Variants in SYN2 observed in about 807,000 individuals in gnomAD.
SYN2 encodes the protein synapsin-2.
Under a neutral mutation model 50.9 loss-of-function variants are expected in SYN2, and 19 were observed. That is an observed-to-expected ratio of 0.37 (90% CI 0.26 to 0.55). The LOEUF (loss-of-function observed/expected upper bound fraction) is 0.55, where lower values mean the gene tolerates loss of function less well. Among genes scored for constraint, SYN2 ranks in the 20% least tolerant of loss-of-function variants. SYN2 has a pLI of 0.81. For synonymous variants in SYN2, 255 were observed against 224.9 expected (o/e 1.13, Z -1.20); for missense variants, 587 against 576.4 (o/e 1.02, Z -0.19).
chr3:12,155,208 G>C (rs1697420138), intron 5 of SYN2, among the ~76,000 whole-genome samples: 1 of 152,108 alleles, frequency 6.6e-6, no homozygotes, highest in African/African-American at 2.4e-5. Flanking sequence ...CTAGTACCAG[G>C]AATACAGATA....
chr3:12,073,775 C>T (rs1291758328), intron 1 of SYN2, among the ~76,000 whole-genome samples: 1 of 151,938 alleles, frequency 6.6e-6, no homozygotes, highest in African/African-American at 2.4e-5. Context: ...AGCCTTGGAT[C>T]GATTAATTTT....
chr3:12,120,378 C>T (rs1696528663), intron 1 of SYN2, among the ~76,000 whole-genome samples: 1 of 152,138 alleles, frequency 6.6e-6, no homozygotes. Flanking sequence ...ACAGAGTCTA[C>T]CTCTCCTTCC....
intron 1 of SYN2, among the ~76,000 whole-genome samples, chr3:12,087,877 C>T (rs905977317): frequency 1.3e-5 from 2 of 151,790 alleles, no homozygotes; most frequent in African/African-American, 4.8e-5. Context: ...TGGATATCTA[C>T]ATGCAAAAGA....
intron 5 of SYN2, 149 bp downstream of exon 5, chr3:12,151,475 A>T: frequency 1.6e-6 from 1 of 628,122 alleles, no homozygotes. Context: ...CGGCTGGAAT[A>T]ACTAGATTTT....
At chr3:12,146,151 T>C (rs9877371) in intron 4 of SYN2, among the ~76,000 whole-genome samples, 12,254 of 152,282 alleles carry the variant, frequency 0.08, 863 homozygotes, top group East Asian at 0.19. Flanking sequence ...GAAGCCCTTA[T>C]AGGTCTGTAG....
intron 1 of SYN2, among the ~76,000 whole-genome samples, chr3:12,020,999 T>G (rs780875592): frequency 3.7e-4 from 57 of 152,264 alleles, no homozygotes; most frequent in Non-Finnish European, 6.0e-4. Context: ...CTTCTAATAT[T>G]TGTTCATATA....
chr3:12,014,491 T>C (rs1241085450), intron 1 of SYN2, among the ~76,000 whole-genome samples: 1 of 152,226 alleles, frequency 6.6e-6, no homozygotes, highest in East Asian at 1.9e-4. Context: ...TAGCTCTGAA[T>C]GAGAGAGCCA....
At chr3:12,151,466 G>A (rs1005430243) in intron 5 of SYN2, 140 bp downstream of exon 5, 37 of 642,168 alleles carry the variant, frequency 5.8e-5, no homozygotes, top group Non-Finnish European at 8.0e-5. Context: ...GAGCTTATGC[G>A]GCTGGAATAA....
At chr3:12,035,771 G>A (rs1051557093) in intron 1 of SYN2, among the ~76,000 whole-genome samples, 6 of 152,192 alleles carry the variant, frequency 3.9e-5, no homozygotes, top group Non-Finnish European at 8.8e-5. Context: ...GTTTGTGAGT[G>A]TGGACTTCCT....
intron 1 of SYN2, among the ~76,000 whole-genome samples, chr3:12,042,731 G>A (rs945733794): frequency 6.6e-6 from 1 of 152,176 alleles, no homozygotes; most frequent in Non-Finnish European, 1.5e-5. Context: ...ATATAAGGTA[G>A]ATCCTAAATC....
chr3:12,083,976 A>G (rs1695635834), intron 1 of SYN2, among the ~76,000 whole-genome samples: 1 of 152,190 alleles, frequency 6.6e-6, no homozygotes, highest in Admixed American at 6.5e-5. Context: ...AGAATGCTGG[A>G]ATAGTCCCCT....
At position 12,085,365 on chromosome 3, in the gene SYN2, A is replaced by G. The variant is rs560706093; in HGVS notation, c.378-55286A>G. 5.2e-3 allele frequency among the ~76,000 whole-genome samples: 764 copies of G among 145,870 alleles called. 4 individuals carry two copies. The highest frequency in any genetic ancestry group is 0.033 in the East Asian group (170 of 5,084). On this transcript the variant is annotated intron_variant, in intron 1 of 12. Coordinates refer to ENST00000621198, the MANE Select transcript of SYN2 (RefSeq NM_133625.6). ...ATTGTTATGGAATACACACACACACACACACACACACACACGCACGCACGC... is the reference window on the plus strand; with the variant it reads ...ATTGTTATGGAATACACACACACACGCACACACACACACACGCACGCACGC...
intron 1 of SYN2, among the ~76,000 whole-genome samples, chr3:12,046,291 A>C (rs1483091397): frequency 6.6e-6 from 1 of 152,192 alleles, no homozygotes; most frequent in Non-Finnish European, 1.5e-5. Flanking sequence ...CTGAAGGATG[A>C]ATAGGAGTTG....
intron 1 of SYN2, among the ~76,000 whole-genome samples, chr3:12,108,682 A>G (rs1696251797): frequency 6.6e-6 from 1 of 152,168 alleles, no homozygotes; most frequent in Non-Finnish European, 1.5e-5. Flanking sequence ...TTACTAAGTC[A>G]TCAGATTCCA....
chr3:12,173,235 C>G (rs1168695130), intron 10 of SYN2, among the ~76,000 whole-genome samples: 2 of 152,178 alleles, frequency 1.3e-5, no homozygotes, highest in African/African-American at 2.4e-5. Context: ...CATGACTGTA[C>G]TGGTCATATT....
At chr3:12,011,985 C>T (rs78666029) in intron 1 of SYN2, among the ~76,000 whole-genome samples, 7,250 of 152,244 alleles carry the variant, frequency 0.048, 246 homozygotes, top group East Asian at 0.14. Context: ...GGTATCTGAT[C>T]TACCTTGGTT....
intron 11 of SYN2, among the ~76,000 whole-genome samples, chr3:12,186,768 A>G (rs1180312698): frequency 6.6e-6 from 1 of 152,232 alleles, no homozygotes; most frequent in Non-Finnish European, 1.5e-5. Flanking sequence ...CGAGGTGATC[A>G]TAAGGTACGG....
chr3:12,033,566 A>G (rs531789842), intron 1 of SYN2, among the ~76,000 whole-genome samples: 18 of 152,234 alleles, frequency 1.2e-4, no homozygotes, highest in South Asian at 6.2e-4. Flanking sequence ...AAAATATACA[A>G]TTCGTTGGTT....
chr3:12,056,288 AG>A (rs1694986766), intron 1 of SYN2, among the ~76,000 whole-genome samples: 1 of 151,926 alleles, frequency 6.6e-6, no homozygotes, highest in African/African-American at 2.4e-5. Context: ...GCGGGGAAGG[AG>A]GGGGTCAAGA....
Sources: gnomAD v4.1 joint callset for allele counts (sites outside exome capture counted in the v4.1 genomes callset) on GRCh38, gnomAD v4.1.1 for gene constraint, MANE v1.5 for transcripts, NCBI Gene and HGNC (gene_info 2026-07-23, HGNC 2026-07-21) for gene names.